The following CDH13 variants were observed in gnomAD, a reference collection of about 807,000 sequenced individuals.
CDH13 encodes the protein cadherin 13.
CDH13 carries 24 observed loss-of-function variants against 63.8 expected under a neutral mutation model. The observed-to-expected ratio is 0.38, with a 90% confidence interval of 0.27 to 0.53. The LOEUF (loss-of-function observed/expected upper bound fraction) is 0.53. CDH13 is among the 20% of genes least tolerant of loss of function. CDH13 has a pLI of 0.85. For missense variants in CDH13, 1,049 were observed against 903.1 expected, an observed-to-expected ratio of 1.16 and a Z score of -2.07; for synonymous variants, 503 against 355.3, an observed-to-expected ratio of 1.42 and a Z score of -4.67.
chr16:83,005,732 T>G (rs1320264574), intron 2 of CDH13, among the ~76,000 whole-genome samples: 1 of 152,260 alleles, frequency 6.6e-6, no homozygotes, highest in Non-Finnish European at 1.5e-5. Flanking sequence ...ACAAGAGAGC[T>G]AGGCTTTTTG....
chr16:83,559,187 G>A (rs4238697), intron 7 of CDH13, among the ~76,000 whole-genome samples: 115,802 of 152,138 alleles, frequency 0.76, 44,014 homozygotes, highest in Middle Eastern at 0.84. Context: ...TTCTGTGGGT[G>A]AGGATAGTGA....
At chr16:83,046,210 G>A (rs1430158271) in intron 3 of CDH13, among the ~76,000 whole-genome samples, 1 of 152,146 alleles carries the variant, frequency 6.6e-6, no homozygotes, top group African/African-American at 2.4e-5. Flanking sequence ...TAAAAAATAA[G>A]AGGAAAGCCT....
chr16:83,644,953 T>C (rs1329620891), intron 8 of CDH13, among the ~76,000 whole-genome samples: 1 of 152,218 alleles, frequency 6.6e-6, no homozygotes, highest in African/African-American at 2.4e-5. Context: ...GTGCTAAATA[T>C]TCTGGGCTCC....
chr16:83,152,171 G>A (rs1361646790), intron 4 of CDH13, among the ~76,000 whole-genome samples: 1 of 152,136 alleles, frequency 6.6e-6, no homozygotes, highest in African/African-American at 2.4e-5. Context: ...TCAAAACTGT[G>A]GGAAATTCTT....
At chr16:82,757,818 T>G (rs1364981412) in intron 1 of CDH13, among the ~76,000 whole-genome samples, 3 of 151,982 alleles carry the variant, frequency 2.0e-5, no homozygotes, top group Non-Finnish European at 4.4e-5. Context: ...GGCCAGCTAA[T>G]TTTTGTATTT....
intron 1 of CDH13, among the ~76,000 whole-genome samples, chr16:82,641,356 C>A (rs1217507364): frequency 1.3e-5 from 2 of 152,144 alleles, no homozygotes; most frequent in South Asian, 2.1e-4. Flanking sequence ...AGGATATGCC[C>A]TGGGTAGGGT....
At chr16:83,204,568 A>C (rs1055672319) in intron 4 of CDH13, among the ~76,000 whole-genome samples, 2 of 152,186 alleles carry the variant, frequency 1.3e-5, no homozygotes, top group African/African-American at 4.8e-5. Flanking sequence ...AGGCTCAGAG[A>C]GGCCACACAG....
At chr16:82,940,693 G>A (rs1259840823) in intron 2 of CDH13, among the ~76,000 whole-genome samples, 1 of 152,070 alleles carries the variant, frequency 6.6e-6, no homozygotes, top group African/African-American at 2.4e-5. Context: ...CACACATACT[G>A]TGGCCACTTG....
chr16:83,029,300 AT>A (rs1343517017), intron 2 of CDH13, among the ~76,000 whole-genome samples: 1 of 152,146 alleles, frequency 6.6e-6, no homozygotes, highest in Non-Finnish European at 1.5e-5. Flanking sequence ...TCAGATATTT[AT>A]TTGGCTTTAA....
intron 5 of CDH13, among the ~76,000 whole-genome samples, chr16:83,219,697 T>C (rs1344146037): frequency 6.6e-6 from 1 of 152,236 alleles, no homozygotes; most frequent in Non-Finnish European, 1.5e-5. Context: ...GAGTTTTTAC[T>C]ATACTTTTAT....
intron 5 of CDH13, among the ~76,000 whole-genome samples, chr16:83,263,726 C>T (rs78119716): frequency 0.077 from 11,669 of 152,194 alleles, 540 homozygotes; most frequent in Middle Eastern, 0.16. Context: ...CCATGATGAA[C>T]GGTGCAGGCA....
At chr16:83,643,617 G>A (rs1218321903) in intron 8 of CDH13, among the ~76,000 whole-genome samples, 1 of 151,990 alleles carries the variant, frequency 6.6e-6, no homozygotes, top group Non-Finnish European at 1.5e-5. Flanking sequence ...TATGCTACCT[G>A]CTTTGGGTGA....
At chr16:83,747,259 T>G (rs559124682) in intron 10 of CDH13, among the ~76,000 whole-genome samples, 1 of 152,224 alleles carries the variant, frequency 6.6e-6, no homozygotes, top group South Asian at 2.1e-4. Context: ...TTCCCACATA[T>G]TATGGGAGGG....
chr16:83,602,104 C>CAAAAAA (rs1567797536), intron 7 of CDH13, among the ~76,000 whole-genome samples: 2 of 3,712 alleles, frequency 5.4e-4, no homozygotes, highest in East Asian at 7.2e-3. Context: ...AAAAGAACAA[C>CAAAAAA]AACAAAAAAA....
intron 1 of CDH13, among the ~76,000 whole-genome samples, chr16:82,725,691 A>G (rs1379063431): frequency 3.3e-5 from 5 of 152,132 alleles, no homozygotes; most frequent in African/African-American, 1.2e-4. Context: ...TACTTTGGAA[A>G]GTTGTATGCA....
At chr16:83,341,911 T>G (rs1253685370) in intron 5 of CDH13, among the ~76,000 whole-genome samples, 2 of 151,916 alleles carry the variant, frequency 1.3e-5, no homozygotes, top group African/African-American at 4.8e-5. Flanking sequence ...TCCACTTTCT[T>G]GTCATTCAAG....
intron 5 of CDH13, among the ~76,000 whole-genome samples, chr16:83,292,474 C>T (rs2151866992): frequency 6.6e-6 from 1 of 152,242 alleles, no homozygotes; most frequent in Middle Eastern, 3.4e-3. Context: ...GCTTGGGACA[C>T]ATTTTTAAAT....
At chr16:83,090,287 G>A (rs1482153408) in intron 3 of CDH13, among the ~76,000 whole-genome samples, 26 of 152,154 alleles carry the variant, frequency 1.7e-4, no homozygotes, top group Admixed American at 3.9e-4. Flanking sequence ...CAAGCCATTC[G>A]TTTGTGGGCC....
At chr16:83,783,193 C>G (rs1025714418) in intron 12 of CDH13, 61 bp from the exon 13 acceptor site, 2 of 1,163,516 alleles carry the variant, frequency 1.7e-6, no homozygotes, top group Non-Finnish European at 2.5e-6. Flanking sequence ...TCACCAAAAC[C>G]TCACTCTTTT....
Sources: gnomAD v4.1 joint callset for allele counts (sites outside exome capture counted in the v4.1 genomes callset) on GRCh38, gnomAD v4.1.1 for gene constraint, MANE v1.5 for transcripts, NCBI Gene and HGNC (gene_info 2026-07-23, HGNC 2026-07-21) for gene names.